Variants in BRINP3 observed in about 807,000 individuals in gnomAD.
BRINP3 encodes the protein BMP/retinoic acid inducible neural specific 3.
BRINP3 carries 19 observed loss-of-function variants against 71.0 expected under a neutral mutation model. The observed-to-expected ratio is 0.27, with a 90% CI of 0.19 to 0.39. The LOEUF (loss-of-function observed/expected upper bound fraction) is 0.39. BRINP3 is among the 10% of genes least tolerant of loss of function. BRINP3 has a pLI of 1.00. For missense variants in BRINP3, 959 were observed against 940.8 expected (o/e 1.02, Z -0.25); for synonymous variants, 380 against 337.7 (o/e 1.13, Z -1.37).
At chr1:190,439,074 G>T (rs758209626) in intron 2 of BRINP3, among the ~76,000 whole-genome samples, 2 of 151,908 alleles carry the variant, frequency 1.3e-5, no homozygotes, top group Non-Finnish European at 1.5e-5. Flanking sequence ...TTTCAGAGTT[G>T]TGTGTCTATG....
At chr1:190,428,061 T>G (rs1324504564) in intron 2 of BRINP3, among the ~76,000 whole-genome samples, 1 of 151,890 alleles carries the variant, frequency 6.6e-6, no homozygotes, top group Non-Finnish European at 1.5e-5. Flanking sequence ...AGACAATCTC[T>G]GCAGTGCCAA....
chr1:190,297,724 ACT>A (rs1558156622), intron 2 of BRINP3, among the ~76,000 whole-genome samples: 1 of 151,088 alleles, frequency 6.6e-6, no homozygotes, highest in African/African-American at 2.4e-5. Context: ...GCTAGAATAA[ACT>A]CCACCTGGTC....
intron 4 of BRINP3, among the ~76,000 whole-genome samples, chr1:190,239,598 T>G (rs1028474230): frequency 9.2e-5 from 14 of 152,078 alleles, no homozygotes; most frequent in African/African-American, 3.4e-4. Flanking sequence ...TGTTTTCAAA[T>G]TTGAACACTT....
intron 2 of BRINP3, among the ~76,000 whole-genome samples, chr1:190,295,702 C>A (rs1057091881): frequency 1.3e-5 from 2 of 152,016 alleles, no homozygotes; most frequent in Non-Finnish European, 2.9e-5. Context: ...GGGCCCTGCC[C>A]TGTGTTGTAT....
At chr1:190,166,605 T>C (rs1439150906) in intron 6 of BRINP3, among the ~76,000 whole-genome samples, 1 of 152,086 alleles carries the variant, frequency 6.6e-6, no homozygotes, top group Non-Finnish European at 1.5e-5. Context: ...ACAAAGAGAG[T>C]GCCTAGAGAA....
intron 6 of BRINP3, among the ~76,000 whole-genome samples, chr1:190,162,188 T>C (rs1651051088): frequency 6.7e-6 from 1 of 148,976 alleles, no homozygotes; most frequent in African/African-American, 2.5e-5. Context: ...GTTTAAATAA[T>C]AGATGCATTT....
chr1:190,102,354 AT>A (rs1252722071), intron 7 of BRINP3, among the ~76,000 whole-genome samples: 1 of 152,260 alleles, frequency 6.6e-6, no homozygotes, highest in East Asian at 1.9e-4. Context: ...TGTCCTAACA[AT>A]TCAAAATTAG....
At chr1:190,305,178 G>A (rs1300714735) in intron 2 of BRINP3, among the ~76,000 whole-genome samples, 1 of 151,744 alleles carries the variant, frequency 6.6e-6, no homozygotes, top group Non-Finnish European at 1.5e-5. Context: ...TATAGCAATT[G>A]TAGAAAAAAT....
At chr1:190,134,200 C>T (rs1156509257) in intron 7 of BRINP3, among the ~76,000 whole-genome samples, 1 of 151,778 alleles carries the variant, frequency 6.6e-6, no homozygotes, top group Non-Finnish European at 1.5e-5. Context: ...AAAGCCTCTT[C>T]GTGGAGGTGA....
intron 2 of BRINP3, among the ~76,000 whole-genome samples, chr1:190,303,137 A>T (rs1461159765): frequency 6.6e-6 from 1 of 151,780 alleles, no homozygotes; most frequent in Non-Finnish European, 1.5e-5. Flanking sequence ...TATAGAGCAG[A>T]TGGAAATCAA....
intron 6 of BRINP3, among the ~76,000 whole-genome samples, chr1:190,163,648 G>C (rs182730734): frequency 2.6e-4 from 40 of 152,126 alleles, no homozygotes; most frequent in Admixed American, 2.6e-3. Flanking sequence ...GAATTCTGTG[G>C]AAATAAATAG....
At chr1:190,449,043 T>C (rs1216312019) in intron 2 of BRINP3, among the ~76,000 whole-genome samples, 5 of 152,112 alleles carry the variant, frequency 3.3e-5, no homozygotes, top group South Asian at 2.1e-4. Flanking sequence ...TATTTATTTA[T>C]ATCATCGGAG....
intron 6 of BRINP3, among the ~76,000 whole-genome samples, chr1:190,205,421 C>T (rs962995395): frequency 5.3e-5 from 8 of 151,988 alleles, no homozygotes; most frequent in Admixed American, 2.0e-4. Context: ...CATCCATGTA[C>T]TATAGAGGAT....
At chr1:190,300,625 C>G (rs1472150725) in intron 2 of BRINP3, among the ~76,000 whole-genome samples, 1 of 152,042 alleles carries the variant, frequency 6.6e-6, no homozygotes, top group Non-Finnish European at 1.5e-5. Context: ...GACCTCTGAC[C>G]CCCGAGCAGC....
chr1:190,310,003 G>A (rs1665402481), intron 2 of BRINP3, among the ~76,000 whole-genome samples: 1 of 151,542 alleles, frequency 6.6e-6, no homozygotes, highest in African/African-American at 2.4e-5. Flanking sequence ...TGGAATACAT[G>A]GAGTAGGCTA....
chr1:190,255,809 T>A lies in BRINP3; in HGVS notation c.618+9056A>T, dbSNP rs562209617. On this transcript the variant is annotated intron_variant, in intron 4 of 7. Transcript: ENST00000367462. The stretch of plus-strand genomic sequence containing the variant: ...GTTCTGCTCTGATCTTAGTTATTTC[T>A]TGTCTTCTGCTAGCTTTTGAATGTG... Among the ~76,000 whole-genome samples the A allele has an allele frequency of 9.8e-5, 15 of 152,298 alleles. No homozygotes were observed. The South Asian group carries it at 3.1e-3, about 32-fold the overall frequency.
At chr1:190,163,234 C>A (rs1470184125) in intron 6 of BRINP3, among the ~76,000 whole-genome samples, 2 of 151,952 alleles carry the variant, frequency 1.3e-5, no homozygotes, top group Non-Finnish European at 2.9e-5. Context: ...TGCCAGATAA[C>A]ATTTTATCTT....
chr1:190,377,047 T>G (rs1670230030), intron 2 of BRINP3, among the ~76,000 whole-genome samples: 1 of 151,976 alleles, frequency 6.6e-6, no homozygotes, highest in African/African-American at 2.4e-5. Flanking sequence ...ATAAGAAAAT[T>G]TTAATTAAGT....
At chr1:190,449,564 T>C (rs537004224) in intron 2 of BRINP3, among the ~76,000 whole-genome samples, 2 of 101,592 alleles carry the variant, frequency 2.0e-5, no homozygotes, top group East Asian at 5.8e-4. Flanking sequence ...TTATAGCATG[T>C]ATATATATAT....
Sources: allele counts gnomAD v4.1 joint callset (sites outside exome capture counted in the v4.1 genomes callset), GRCh38; gene constraint gnomAD v4.1.1; transcripts MANE v1.5; gene names NCBI Gene and HGNC (gene_info 2026-07-23, HGNC 2026-07-21).